ELAPOR2: variants seen among roughly 807,000 people sequenced by gnomAD.
ELAPOR2 encodes the protein endosome-lysosome associated apoptosis and autophagy regulator family member 2.
A neutral mutation model predicts 120.7 loss-of-function variants in ELAPOR2; 89 were observed. The observed-to-expected ratio is 0.74, with a 90% CI of 0.62 to 0.88. The LOEUF is 0.88. Among genes scored for constraint, ELAPOR2 ranks in the 40% least tolerant of loss-of-function variants. ELAPOR2 has a pLI of 0.00. For missense variants in ELAPOR2, 1,134 were observed against 1,251.6 expected, an observed-to-expected ratio of 0.91 and a Z score of 1.42; for synonymous variants, 444 against 444.9, an observed-to-expected ratio of 1.00 and a Z score of 0.03.
chr7:87,001,136 C>T (rs1198375514), intron 1 of ELAPOR2, among the ~76,000 whole-genome samples: 1 of 152,100 alleles, frequency 6.6e-6, no homozygotes, highest in Non-Finnish European at 1.5e-5. Flanking sequence ...TACATTAGAC[C>T]TCCAGCTGAT....
Position 86,880,430 on chromosome 7 carries a change from G to T in ELAPOR2, c.*41C>A. On this transcript the variant is annotated 3_prime_UTR_variant, in exon 22 of 22. Transcript: ENST00000450689. ...ATATGGTCCTGTAAAACTAGAGCAG[G>T]TTTCTTTGTTCATTAGTCTCAAGGC... The T allele has an allele frequency of 7.0e-7, 1 of 1,431,216 alleles. No homozygotes were observed. The highest frequency in any genetic ancestry group is 1.7e-5 in the Admixed American group (1 of 59,274). 88.7% of individuals were successfully genotyped at this position (1,431,216 alleles called of 1,614,324 possible).
In ELAPOR2 at chr7:86,909,982, C is replaced by T; in HGVS notation, c.2189G>A (p.Cys730Tyr). ...CGHEGKKMAL[C>Y]TNNITDFTVK... is the part of the protein sequence containing the mutation. ...TGTAAAGTCTGTTATATTGTTGGTA[C>T]AGAGAGCCATCTTCTTCCCCTAGGA... is the stretch of plus-strand genomic sequence containing the variant. The change falls in exon 16 of 22, where the codon TGT becomes TAT. Residue 730 changes from cysteine (C) to tyrosine (Y), a missense_variant. This residue lies in a region of ELAPOR2 where 831 missense variants were observed against 867.6 expected (regional missense o/e 0.96). Coordinates refer to ENST00000450689, the MANE Select transcript of ELAPOR2 (RefSeq NM_001142749.3). 6.2e-7 allele frequency: 1 copy of T among 1,608,740 alleles called. No individual in the cohort carries two copies. The highest frequency in any genetic ancestry group is 8.5e-7 in the Non-Finnish European group (1 of 1,178,008).
intron 1 of ELAPOR2, among the ~76,000 whole-genome samples, chr7:86,985,000 G>T (rs890069855): frequency 6.6e-6 from 1 of 151,970 alleles, no homozygotes; most frequent in African/African-American, 2.4e-5. Context: ...TGATAAAGGG[G>T]ATATCACCAC....
intron 9 of ELAPOR2, among the ~76,000 whole-genome samples, chr7:86,926,059 C>G (rs995557876): frequency 2.0e-5 from 3 of 152,010 alleles, no homozygotes; most frequent in Non-Finnish European, 4.4e-5. Flanking sequence ...AGATTTCACT[C>G]TTCCTATTGG....
At chr7:86,882,135 G>C (rs534118189) in intron 21 of ELAPOR2, among the ~76,000 whole-genome samples, 1 of 152,280 alleles carries the variant, frequency 6.6e-6, no homozygotes, top group South Asian at 2.1e-4. Flanking sequence ...TGTGAGAACT[G>C]GCCTGAGGTC....
chr7:86,936,867 C>T (rs561074002), intron 8 of ELAPOR2, among the ~76,000 whole-genome samples: 3 of 152,128 alleles, frequency 2.0e-5, no homozygotes, highest in East Asian at 1.9e-4. Context: ...GTAGATAAGA[C>T]GAGATCCTAT....
chr7:87,025,532 C>A (rs577030273), intron 1 of ELAPOR2, among the ~76,000 whole-genome samples: 1 of 152,198 alleles, frequency 6.6e-6, no homozygotes, highest in African/African-American at 2.4e-5. Context: ...AATCTTGTAA[C>A]TGGGTCTCTT....
rs551020736 is a variant in ELAPOR2 at position 86,993,605 on chromosome 7, C to T, written c.190-28581G>A. ...AAATCTCTTTTGAAAGACTGTTTTA[C>T]ATTAAGGTTGAGTTAAATTAGAATT... On this transcript the variant is annotated intron_variant, in intron 1 of 21. Coordinates refer to ENST00000450689, the MANE Select transcript of ELAPOR2 (RefSeq NM_001142749.3). 3.1e-3 allele frequency among the ~76,000 whole-genome samples: 468 copies of T among 152,310 alleles called. 1 individual carries two copies. Among genetic ancestry groups the T allele is most frequent in the African/African-American group, 0.011 (441 of 41,570 alleles).
At chr7:86,979,927 G>T (rs1792407820) in intron 1 of ELAPOR2, among the ~76,000 whole-genome samples, 1 of 152,106 alleles carries the variant, frequency 6.6e-6, no homozygotes, top group South Asian at 2.1e-4. Flanking sequence ...CTTATCACTA[G>T]AGACAGAAAC....
chr7:86,968,762 T>C (rs1792004665), intron 1 of ELAPOR2, among the ~76,000 whole-genome samples: 1 of 152,180 alleles, frequency 6.6e-6, no homozygotes, highest in Non-Finnish European at 1.5e-5. Flanking sequence ...TGACAGTTTA[T>C]CAACAAACAC....
chr7:86,966,366 A>G (rs952362428), intron 1 of ELAPOR2, among the ~76,000 whole-genome samples: 1 of 152,122 alleles, frequency 6.6e-6, no homozygotes, highest in Non-Finnish European at 1.5e-5. Flanking sequence ...ATCACTTTCA[A>G]TATTTTTAAA....
At chr7:87,044,159 A>G (rs1196132685) in intron 1 of ELAPOR2, among the ~76,000 whole-genome samples, 1 of 119,776 alleles carries the variant, frequency 8.3e-6, no homozygotes, top group Non-Finnish European at 1.7e-5. Flanking sequence ...AAGAATCAAT[A>G]TCGTGAAAAT....
At position 86,949,690 on chromosome 7, in the gene ELAPOR2, T is replaced by C. The variant is rs527608372; in HGVS notation, c.311-1768A>G. On this transcript the variant is annotated intron_variant, in intron 2 of 21. Transcript: ENST00000450689. The stretch of plus-strand genomic sequence containing the variant: ...TCCCCACTCCTGGCACCCCTTCCAA[T>C]CTCAGAGCAAGGTTGGGGCTGAGCC... Among the ~76,000 whole-genome samples the C allele has an allele frequency of 2.2e-4, 33 of 152,234 alleles. 1 individual carries two copies. In the East Asian group the frequency reaches 6.4e-3, roughly 29 times the overall value.
rs571292159 is a variant in ELAPOR2 at position 86,995,737 on chromosome 7, T to C, written c.190-30713A>G. Reference sequence around the variant, plus strand: ...AAAGTGATATAACAAGCGAATAAACTTGAAGGATAGGAGAGGAGTCATTAA... The same window carrying C: ...AAAGTGATATAACAAGCGAATAAACCTGAAGGATAGGAGAGGAGTCATTAA... On this transcript the variant is annotated intron_variant, in intron 1 of 21. Coordinates refer to ENST00000450689, the MANE Select transcript of ELAPOR2 (RefSeq NM_001142749.3). 1.8e-3 allele frequency among the ~76,000 whole-genome samples: 274 copies of C among 152,248 alleles called. 1 individual carries two copies. Among genetic ancestry groups the C allele is most frequent in the South Asian group, 6.6e-3 (32 of 4,824 alleles).
chr7:87,001,954 A>C (rs1562963565), intron 1 of ELAPOR2, among the ~76,000 whole-genome samples: 1 of 152,168 alleles, frequency 6.6e-6, no homozygotes, highest in Non-Finnish European at 1.5e-5. Context: ...TTCCATGGAC[A>C]TCTGAGCTTA....
At chr7:87,006,918 A>T (rs1261491915) in intron 1 of ELAPOR2, among the ~76,000 whole-genome samples, 1 of 152,218 alleles carries the variant, frequency 6.6e-6, no homozygotes, top group African/African-American at 2.4e-5. Context: ...GATGAATCTC[A>T]AAAAACATGA....
At chr7:86,953,575 T>C (rs17697894) in intron 2 of ELAPOR2, among the ~76,000 whole-genome samples, 17,429 of 152,176 alleles carry the variant, frequency 0.11, 1,055 homozygotes, top group East Asian at 0.14. Flanking sequence ...TTTCATTCAG[T>C]TTTTTTAGCA....
At chr7:86,940,801 T>C (rs1415630770) in intron 5 of ELAPOR2, among the ~76,000 whole-genome samples, 1 of 152,098 alleles carries the variant, frequency 6.6e-6, no homozygotes, top group African/African-American at 2.4e-5. Context: ...AGTCTCTGGC[T>C]GGACAAATTC....
chr7:86,947,363 T>C (rs945517579), intron 3 of ELAPOR2, among the ~76,000 whole-genome samples: 1 of 152,114 alleles, frequency 6.6e-6, no homozygotes, highest in African/African-American at 2.4e-5. Flanking sequence ...AGTGTCTAAA[T>C]GAAGGTTATG....
Sources: gnomAD v4.1 joint callset for allele counts (sites outside exome capture counted in the v4.1 genomes callset) on GRCh38, gnomAD v4.1.1 for gene constraint, gnomAD v4.1.1 regional missense constraint, MANE v1.5 for transcripts, NCBI Gene and HGNC (gene_info 2026-07-23, HGNC 2026-07-21) for gene names.